The following PRKD1 variants were observed in gnomAD, a reference collection of about 807,000 sequenced individuals.
PRKD1 encodes the protein protein kinase D1, also known as serine/threonine-protein kinase D1.
PRKD1 carries 63 observed loss-of-function variants against 95.9 expected under a neutral mutation model. The ratio of observed to expected loss-of-function variants is 0.66; its 90% CI spans 0.54 to 0.81. The LOEUF (loss-of-function observed/expected upper bound fraction) is 0.81. Ranked by LOEUF, PRKD1 falls within the 30% of genes least tolerant of loss-of-function variation. PRKD1 has a pLI of 0.00. For missense variants in PRKD1, 1,048 were observed against 1,165.3 expected (o/e 0.90, Z 1.47); for synonymous variants, 425 against 423.1 (o/e 1.00, Z -0.05).
chr14:29,867,245 T>C (rs1892941948), intron 1 of PRKD1, among the ~76,000 whole-genome samples: 1 of 124,160 alleles, frequency 8.1e-6, no homozygotes, highest in African/African-American at 4.7e-5. Context: ...TAATGTACTA[T>C]AAGAAAAACA....
At chr14:29,597,470 T>TCATGAGATA (rs1893349908) in intron 16 of PRKD1, 21 bp downstream of exon 16, 2 of 1,552,688 alleles carry the variant, frequency 1.3e-6, no homozygotes, top group Non-Finnish European at 1.8e-6. Context: ...ATTATTATCA[T>TCATGAGATA]TTTTGAATGG....
intron 1 of PRKD1, among the ~76,000 whole-genome samples, chr14:29,855,172 T>C (rs1180804437): frequency 2.0e-5 from 3 of 152,122 alleles, no homozygotes; most frequent in African/African-American, 7.2e-5. Flanking sequence ...GACCCCAGAA[T>C]GGTAAATCCA....
intron 1 of PRKD1, among the ~76,000 whole-genome samples, chr14:29,835,001 T>C (rs998102778): frequency 2.0e-5 from 3 of 152,170 alleles, no homozygotes; most frequent in African/African-American, 7.2e-5. Context: ...TTTTTTTTTC[T>C]CTGCGGAACT....
intron 3 of PRKD1, among the ~76,000 whole-genome samples, chr14:29,664,748 A>C (rs1165651515): frequency 2.0e-5 from 3 of 152,218 alleles, no homozygotes; most frequent in African/African-American, 7.2e-5. Flanking sequence ...CCAGTTTTAA[A>C]GATTATATCA....
intron 16 of PRKD1, among the ~76,000 whole-genome samples, chr14:29,590,388 A>G (rs571792376): frequency 6.6e-6 from 1 of 152,302 alleles, no homozygotes; most frequent in African/African-American, 2.4e-5. Context: ...TGTGACATTT[A>G]TTAAAAACGT....
chr14:29,808,928 G>A (rs1890364118), intron 1 of PRKD1, among the ~76,000 whole-genome samples: 2 of 152,146 alleles, frequency 1.3e-5, no homozygotes, highest in African/African-American at 4.8e-5. Flanking sequence ...AGATCTATCA[G>A]AGAAATCACT....
At chr14:29,813,823 T>A (rs1249269345) in intron 1 of PRKD1, among the ~76,000 whole-genome samples, 1 of 152,198 alleles carries the variant, frequency 6.6e-6, no homozygotes, top group African/African-American at 2.4e-5. Flanking sequence ...ACGATGTTCA[T>A]AGCCAAGATC....
chr14:29,693,795 C>T (rs1026270743), intron 2 of PRKD1, among the ~76,000 whole-genome samples: 1 of 152,124 alleles, frequency 6.6e-6, no homozygotes, highest in African/African-American at 2.4e-5. Context: ...AACCTCCCAA[C>T]ATTATCACTC....
At position 29,612,732 on chromosome 14, in the gene PRKD1, T is replaced by C. The variant is rs901262050; in HGVS notation, c.1905+11420A>G. Among the ~76,000 whole-genome samples, 45 of 152,304 alleles carry C rather than the reference T, an allele frequency of 3.0e-4. 1 individual carries two copies. The highest frequency in any genetic ancestry group is 4.4e-5 in the Non-Finnish European group (3 of 68,028). ...ATATACATAACCTATACAGTTTATT[T>C]TGGAACATGCAAAAGACAGTACGAT... On this transcript the variant is annotated intron_variant, in intron 13 of 17. Transcript: ENST00000331968.
At position 29,917,749 on chromosome 14, in the gene PRKD1, T is replaced by G. The variant is rs187337171; in HGVS notation, c.264+9500A>C. On this transcript the variant is annotated intron_variant, in intron 1 of 17. Coordinates refer to ENST00000331968, the MANE Select transcript of PRKD1 (RefSeq NM_002742.3). ...CTGAAACAAGCTTCAACTGTCAAGA[T>G]ACAATACTTCATACCTATACCACAG... is the stretch of plus-strand genomic sequence containing the variant. Among the ~76,000 whole-genome samples the G allele has an allele frequency of 2.9e-3, 442 of 152,274 alleles. 4 individuals are homozygous for G. Among genetic ancestry groups the G allele is most frequent in the Non-Finnish European group, 4.7e-3 (321 of 67,982 alleles).
chr14:29,925,055 T>C (rs962084343), intron 1 of PRKD1, among the ~76,000 whole-genome samples: 2 of 152,102 alleles, frequency 1.3e-5, no homozygotes, highest in African/African-American at 4.8e-5. Flanking sequence ...CCCAACTTTT[T>C]TATAACCTAA....
chr14:29,865,958 T>C (rs992906557), intron 1 of PRKD1, among the ~76,000 whole-genome samples: 1 of 152,204 alleles, frequency 6.6e-6, no homozygotes, highest in Non-Finnish European at 1.5e-5. Flanking sequence ...ATAAGATATT[T>C]TTTAACCTAG....
At chr14:29,903,689 G>T (rs950658335) in intron 1 of PRKD1, among the ~76,000 whole-genome samples, 1 of 151,984 alleles carries the variant, frequency 6.6e-6, no homozygotes, top group Non-Finnish European at 1.5e-5. Flanking sequence ...AATAATCTGA[G>T]GAGAAAGGGA....
At chr14:29,758,903 A>G (rs1212150090) in intron 1 of PRKD1, among the ~76,000 whole-genome samples, 1 of 152,186 alleles carries the variant, frequency 6.6e-6, no homozygotes, top group African/African-American at 2.4e-5. Flanking sequence ...CCATACTGCA[A>G]ATATATTTAT....
chr14:29,727,915 A>C (rs1886240652), intron 1 of PRKD1, among the ~76,000 whole-genome samples: 1 of 151,752 alleles, frequency 6.6e-6, no homozygotes, highest in African/African-American at 2.4e-5. Flanking sequence ...CAAGAACAAA[A>C]AACCAAACAC....
chr14:29,585,385 C>T (rs1159616398), intron 16 of PRKD1, among the ~76,000 whole-genome samples: 2 of 152,158 alleles, frequency 1.3e-5, no homozygotes, highest in Non-Finnish European at 2.9e-5. Flanking sequence ...CTTTCCTTTT[C>T]AGTTCTTTCC....
At chr14:29,599,938 T>C in intron 13 of PRKD1, 121 bp from the exon 14 acceptor site, 2 of 763,256 alleles carry the variant, frequency 2.6e-6, no homozygotes, top group Non-Finnish European at 3.9e-6. Flanking sequence ...TTAAGATTTT[T>C]AACACCTCTA....
At chr14:29,864,517 A>T (rs1252845228) in intron 1 of PRKD1, among the ~76,000 whole-genome samples, 1 of 152,120 alleles carries the variant, frequency 6.6e-6, no homozygotes, top group Non-Finnish European at 1.5e-5. Context: ...CAGTATGATG[A>T]AAAGAAAAGC....
chr14:29,725,722 A>T (rs768593097), intron 1 of PRKD1, 48 bp from the exon 2 acceptor site: 2 of 1,582,712 alleles, frequency 1.3e-6, no homozygotes, highest in South Asian at 1.2e-5. Flanking sequence ...ATCCTTCCAA[A>T]TATTTTGTTT....
Sources: gnomAD v4.1 joint callset for allele counts (sites outside exome capture counted in the v4.1 genomes callset) on GRCh38, gnomAD v4.1.1 for gene constraint, MANE v1.5 for transcripts, NCBI Gene and HGNC (gene_info 2026-07-23, HGNC 2026-07-21) for gene names.